ANKRD26: variants seen among roughly 807,000 people sequenced by gnomAD.
ANKRD26 encodes ankyrin repeat domain-containing protein 26.
Under a neutral mutation model 208.7 loss-of-function variants are expected in ANKRD26, and 141 were observed. The observed-to-expected ratio is 0.68, with a 90% CI of 0.59 to 0.78. The LOEUF (loss-of-function observed/expected upper bound fraction) is 0.78. Among genes scored for constraint, ANKRD26 ranks in the 30% least tolerant of loss-of-function variants. The pLI, the probability that ANKRD26 is intolerant of heterozygous loss-of-function variation, is 0.00. For missense variants in ANKRD26, 1,889 were observed against 1,938.7 expected, an observed-to-expected ratio of 0.97 and a Z score of 0.48; for synonymous variants, 636 against 660.4, an observed-to-expected ratio of 0.96 and a Z score of 0.57.
At chr10:26,948,459 T>A in the ANKRD26 span, among the ~76,000 whole-genome samples, 1 of 152,206 alleles carries the variant, frequency 6.6e-6, no homozygotes, top group Non-Finnish European at 1.5e-5. Flanking sequence ...ATTCTATCAC[T>A]ATACACAACA....
chr10:27,042,763 C>T (rs370383239), intron 20 of ANKRD26, among the ~76,000 whole-genome samples: 3 of 79,514 alleles, frequency 3.8e-5, no homozygotes, highest in Non-Finnish European at 5.1e-5. Flanking sequence ...AAAAAACAAA[C>T]AAACAAACAA....
Position 27,033,238 on chromosome 10 carries a change from T to G in ANKRD26, c.3794A>C (p.Gln1265Pro), listed in dbSNP as rs1284746799. The change falls in exon 25 of 34, where the codon CAA becomes CCA. Residue 1265 changes from glutamine to proline, a missense_variant. This residue lies in a region of ANKRD26 where 613 missense variants were observed against 648.2 expected (regional missense o/e 0.95). Coordinates refer to ENST00000376087, the MANE Select transcript of ANKRD26 (RefSeq NM_014915.3). Reference sequence around the variant, plus strand: ...TTTCATACATACTTGATTTCTGATTTGACCTAATTTCTTCTTTAAATCCTG... The same window carrying G: ...TTTCATACATACTTGATTTCTGATTGGACCTAATTTCTTCTTTAAATCCTG... ...ETQDLKKKLG[Q>P]IRNQLQEAQD... 6.2e-7 allele frequency: 1 copy of G among 1,610,904 alleles called. No homozygotes were observed. The highest frequency in any genetic ancestry group is 2.2e-5 in the East Asian group (1 of 44,734).
intron 33 of ANKRD26, among the ~76,000 whole-genome samples, 159 bp from the exon 34 acceptor site, chr10:27,005,882 C>T (rs2052857814): frequency 6.6e-6 from 1 of 152,020 alleles, no homozygotes; most frequent in Admixed American, 6.6e-5. Context: ...TATAATTTGC[C>T]CATGGTTGCA....
the ANKRD26 span, among the ~76,000 whole-genome samples, chr10:26,966,622 A>T: frequency 3.9e-5 from 6 of 152,216 alleles, no homozygotes; most frequent in Non-Finnish European, 8.8e-5. Flanking sequence ...AAAGAAAAAA[A>T]TTGTTCAATT....
At position 27,077,225 on chromosome 10, in the gene ANKRD26, A is replaced by G. The variant is rs561892553; in HGVS notation, c.1077+113T>C. On this transcript the variant is annotated intron_variant, in intron 9 of 33. Coordinates refer to ENST00000376087, the MANE Select transcript of ANKRD26 (RefSeq NM_014915.3). The stretch of plus-strand genomic sequence containing the variant: ...GCAAGTCTTAAATGTGATTCATCAC[A>G]TAAACATAATTAGAAACAAAAACTG... The G allele has an allele frequency of 1.4e-5, 13 of 947,184 alleles. No homozygotes were observed. The African/African-American group carries it at 2.0e-4, about 14-fold the overall frequency. The allele number at this position is 947,184 out of a possible 1,614,324, so 58.7% of individuals were successfully genotyped here.
At chr10:27,031,851 C>T (rs2053873977) in intron 25 of ANKRD26, among the ~76,000 whole-genome samples, 2 of 151,954 alleles carry the variant, frequency 1.3e-5, no homozygotes, top group Non-Finnish European at 2.9e-5. Flanking sequence ...GAAGGAAATG[C>T]CTATTTCAAA....
chr10:27,006,156 A>G (rs1297710486), intron 33 of ANKRD26, among the ~76,000 whole-genome samples: 2 of 152,236 alleles, frequency 1.3e-5, no homozygotes, highest in Non-Finnish European at 2.9e-5. Context: ...TTCTGAGTCA[A>G]TAACGTAGGC....
exon 6 of ANKRD26, among the ~76,000 whole-genome samples, chr10:26,975,365 A>G (rs2134601496): frequency 6.8e-6 from 1 of 146,682 alleles, no homozygotes; most frequent in African/African-American, 2.6e-5. Flanking sequence ...AGTAGCTGGG[A>G]CTGCAGGCAT....
intron 25 of ANKRD26, among the ~76,000 whole-genome samples, chr10:27,029,977 G>C (rs573839814): frequency 2.2e-4 from 33 of 152,280 alleles, no homozygotes; most frequent in African/African-American, 7.9e-4. Flanking sequence ...AATAGAAACA[G>C]AGACAGTAAT....
At position 27,022,701 on chromosome 10, in the gene ANKRD26, C is replaced by A; in HGVS notation, c.4086-14G>T. The A allele has an allele frequency of 6.3e-7, 1 of 1,574,976 alleles. No homozygotes were observed. Reference sequence around the variant, plus strand: ...AGGTTCTTAAATCTGCAGGAAGGTACAAAATGAGTAACTCAAGTTTTAAAA... The same window carrying A: ...AGGTTCTTAAATCTGCAGGAAGGTAAAAAATGAGTAACTCAAGTTTTAAAA... On this transcript the variant is annotated splice_polypyrimidine_tract_variant and intron_variant, in intron 28 of 33. Coordinates refer to ENST00000376087, the MANE Select transcript of ANKRD26 (RefSeq NM_014915.3).
rs750762032 is a variant in ANKRD26 at position 26,976,338 on chromosome 10, C to T, written c.*282-296G>A. 3.9e-5 allele frequency among the ~76,000 whole-genome samples: 6 copies of T among 152,214 alleles called. No homozygotes were observed. In the East Asian group the frequency reaches 9.6e-4, roughly 24 times the overall value. On this transcript the variant is annotated intron_variant and NMD_transcript_variant, in intron 5 of 5. Transcript: ENST00000674670. ...CAAGCGATTCTCCTGCCTCAGCCTC[C>T]GGAGTAGCTGGGATTACAGGTGCCC...
At position 27,079,107 on chromosome 10, in the gene ANKRD26, GTCT is replaced by G; in HGVS notation, c.792_794del (p.Glu264del). ...ACTTTACCTTAGTATCAAAATTGAG[GTCT>G]TCGTCATCTGAGGTAGGCCATGAAT... On this transcript the variant is annotated inframe_deletion, in exon 7 of 34. Transcript: ENST00000376087. 1.9e-6 allele frequency: 3 copies of G among 1,613,504 alleles called. No individual in the cohort carries two copies. The highest frequency in any genetic ancestry group is 1.7e-4 in the Middle Eastern group (1 of 6,056).
At chr10:27,043,791 T>C (rs529368469) in intron 19 of ANKRD26, among the ~76,000 whole-genome samples, 1 of 152,180 alleles carries the variant, frequency 6.6e-6, no homozygotes, top group South Asian at 2.1e-4. Context: ...ATTTCATGTT[T>C]TTGTTTTTGT....
intron 5 of ANKRD26, among the ~76,000 whole-genome samples, chr10:27,083,228 A>T (rs1279214101): frequency 6.6e-6 from 1 of 152,116 alleles, no homozygotes; most frequent in Non-Finnish European, 1.5e-5. Context: ...AAATATAAAC[A>T]TATTTACTTA....
At chr10:27,014,910 A>C (rs1409141730) in intron 30 of ANKRD26, among the ~76,000 whole-genome samples, 199 bp from the exon 31 acceptor site, 1 of 152,232 alleles carries the variant, frequency 6.6e-6, no homozygotes, top group African/African-American at 2.4e-5. Flanking sequence ...ATACTTCCAA[A>C]GAAATGAAAG....
chr10:26,977,946 C>CA (rs945549913), intron 5 of ANKRD26, among the ~76,000 whole-genome samples: 13 of 151,766 alleles, frequency 8.6e-5, no homozygotes, highest in South Asian at 2.1e-4. Context: ...ACAACAACAA[C>CA]AAAAAAAACA....
chr10:27,066,654 C>A, intron 10 of ANKRD26, 106 bp from the exon 11 acceptor site: 5 of 691,946 alleles, frequency 7.2e-6, no homozygotes, highest in East Asian at 3.1e-5. Context: ...ATGAATATTT[C>A]AATAAAATAA....
chr10:26,968,452 A>G, the ANKRD26 span, among the ~76,000 whole-genome samples: 1 of 152,070 alleles, frequency 6.6e-6, no homozygotes, highest in Non-Finnish European at 1.5e-5. Context: ...GCTACTTGTC[A>G]CTCATATAAA....
In ANKRD26 at chr10:26,985,126, AAAC is replaced by A. The variant is rs140452297; in HGVS notation, c.490-2316_490-2314del. On this transcript the variant is annotated intron_variant and NMD_transcript_variant, in intron 3 of 5. Coordinates refer to the ANKRD26 transcript ENST00000674670. ...TAGATAGTTACTAAAACATACTTTT[AAAC>A]TGGAGATAATGGCAGCTGAATACTA... Among the ~76,000 whole-genome samples, 660 of 152,270 alleles carry A rather than the reference AAAC, an allele frequency of 4.3e-3. 4 individuals are homozygous for A. Among genetic ancestry groups the A allele is most frequent in the African/African-American group, 0.015 (619 of 41,560 alleles).
Sources: allele counts gnomAD v4.1 joint callset (sites outside exome capture counted in the v4.1 genomes callset), GRCh38; gene constraint gnomAD v4.1.1; regional missense constraint gnomAD v4.1.1; transcripts MANE v1.5; gene names NCBI Gene and HGNC (gene_info 2026-07-23, HGNC 2026-07-21).